The following MTR variants were observed in gnomAD, a reference collection of about 807,000 sequenced individuals.
MTR encodes the protein methionine synthase.
Under a neutral mutation model 154.8 loss-of-function variants are expected in MTR, and 84 were observed. The observed-to-expected ratio is 0.54, with a 90% CI of 0.45 to 0.65. The LOEUF (loss-of-function observed/expected upper bound fraction) is 0.65, where lower values mean the gene tolerates loss of function less well. Ranked by LOEUF, MTR falls within the 30% of genes least tolerant of loss-of-function variation. The pLI, the probability that MTR is intolerant of heterozygous loss-of-function variation, is 0.00. For missense variants in MTR, 1,275 were observed against 1,570.2 expected (o/e 0.81, Z 3.18); for synonymous variants, 554 against 553.9 (o/e 1.00, Z 0.00).
At chr1:236,882,551 C>T (rs1051014411) in intron 25 of MTR, among the ~76,000 whole-genome samples, 5 of 152,088 alleles carry the variant, frequency 3.3e-5, no homozygotes, top group East Asian at 1.9e-4. Context: ...CCACCACTTC[C>T]GGCTAATTTT....
At chr1:236,882,004 T>C (rs565570432) in intron 25 of MTR, among the ~76,000 whole-genome samples, 1 of 152,324 alleles carries the variant, frequency 6.6e-6, no homozygotes, top group Non-Finnish European at 1.5e-5. Flanking sequence ...TTAAACTTGT[T>C]TCCCATTAAT....
intron 1 of MTR, 64 bp downstream of exon 1, chr1:236,795,801 A>G (rs1660344352): frequency 1.2e-6 from 2 of 1,609,678 alleles, no homozygotes; most frequent in African/African-American, 1.3e-5. Context: ...TGGCCTCCTA[A>G]TCCCTGGGGC....
chr1:236,887,495 C>G (rs1042509794), intron 27 of MTR, among the ~76,000 whole-genome samples: 3 of 152,218 alleles, frequency 2.0e-5, no homozygotes, highest in Admixed American at 6.5e-5. Flanking sequence ...AGTTCAAGCT[C>G]CGATTATTTG....
At chr1:236,798,349 A>G (rs1472275484) in intron 1 of MTR, among the ~76,000 whole-genome samples, 2 of 152,230 alleles carry the variant, frequency 1.3e-5, no homozygotes, top group Non-Finnish European at 2.9e-5. Context: ...TCTTTAGGCT[A>G]GTTCTTAAAG....
At chr1:236,867,282 CTCTG>C (rs1346522487) in intron 22 of MTR, among the ~76,000 whole-genome samples, 2 of 152,178 alleles carry the variant, frequency 1.3e-5, no homozygotes, top group African/African-American at 4.8e-5. Flanking sequence ...GTTAAATCTA[CTCTG>C]TCTGTGCTCT....
intron 14 of MTR, among the ~76,000 whole-genome samples, chr1:236,836,828 T>A (rs1452752063): frequency 2.0e-5 from 3 of 152,206 alleles, no homozygotes; most frequent in Non-Finnish European, 4.4e-5. Context: ...TAGCCAATTG[T>A]TTATCAGCTT....
intron 1 of MTR, among the ~76,000 whole-genome samples, chr1:236,800,656 A>G (rs780183341): frequency 1.3e-4 from 20 of 152,276 alleles, no homozygotes; most frequent in Admixed American, 5.2e-4. Flanking sequence ...ATGATTTTTC[A>G]CAGCCCACTG....
At chr1:236,870,175 TAGTG>T (rs1430034788) in intron 22 of MTR, among the ~76,000 whole-genome samples, 1 of 152,196 alleles carries the variant, frequency 6.6e-6, no homozygotes, top group Non-Finnish European at 1.5e-5. Flanking sequence ...TGTGTGGAAA[TAGTG>T]AGAATTGCCC....
chr1:236,847,825 T>C (rs780356379), intron 15 of MTR, among the ~76,000 whole-genome samples: 1 of 152,218 alleles, frequency 6.6e-6, no homozygotes, highest in Non-Finnish European at 1.5e-5. Context: ...AAGCCCTTCC[T>C]GATGGAGTAA....
At chr1:236,887,666 C>T (rs1351270765) in intron 27 of MTR, among the ~76,000 whole-genome samples, 1 of 152,252 alleles carries the variant, frequency 6.6e-6, no homozygotes, top group Non-Finnish European at 1.5e-5. Context: ...TAACCTCTGG[C>T]ATGGGCTACT....
chr1:236,807,695 G>A lies in MTR; in HGVS notation c.340-1009G>A, dbSNP rs1661064749. Among the ~76,000 whole-genome samples, 4 of 152,080 alleles carry A rather than the reference G, an allele frequency of 2.6e-5. No individual in the cohort carries two copies. In the South Asian group the frequency reaches 6.2e-4, roughly 24 times the overall value. On this transcript the variant is annotated intron_variant, in intron 3 of 32. Transcript: ENST00000366577. ...ATGCTAATGTCCCCATTTTTGTTTG[G>A]CATGTTTCCAGACACATTACTCTGT...
intron 27 of MTR, among the ~76,000 whole-genome samples, chr1:236,888,648 G>A (rs1181146006): frequency 2.6e-5 from 4 of 152,202 alleles, no homozygotes; most frequent in Non-Finnish European, 5.9e-5. Context: ...ATGTATTGAG[G>A]AGTATGTATC....
intron 3 of MTR, among the ~76,000 whole-genome samples, chr1:236,807,326 A>C (rs1661041241): frequency 6.6e-6 from 1 of 152,120 alleles, no homozygotes; most frequent in South Asian, 2.1e-4. Context: ...GGCTTGCTCT[A>C]CCATGCCCTG....
At position 236,867,836 on chromosome 1, in the gene MTR, G is replaced by T. The variant is rs370501812; in HGVS notation, c.2405+4282G>T. On this transcript the variant is annotated intron_variant, in intron 22 of 32. Transcript: ENST00000366577. ...AAAAGTGGAGCCTGAAGATGGGAAT[G>T]AATTGCTACAATCTCGTAATACAAC... Among the ~76,000 whole-genome samples the T allele has an allele frequency of 2.6e-5, 4 of 152,218 alleles. No homozygotes were observed. The East Asian group carries it at 7.7e-4, about 29-fold the overall frequency.
chr1:236,895,591 A>C (rs769600150), intron 31 of MTR, 41 bp downstream of exon 31: 1 of 1,545,646 alleles, frequency 6.5e-7, no homozygotes, highest in Non-Finnish European at 8.8e-7. Flanking sequence ...TTCCTTCTTC[A>C]GTAGATACTC....
intron 2 of MTR, among the ~76,000 whole-genome samples, chr1:236,805,752 C>G (rs911984678): frequency 6.6e-6 from 1 of 152,166 alleles, no homozygotes; most frequent in Admixed American, 6.5e-5. Flanking sequence ...CTCACCTTGG[C>G]TTCCCAAAGT....
intron 15 of MTR, among the ~76,000 whole-genome samples, chr1:236,843,507 T>C (rs1387372179): frequency 6.6e-6 from 1 of 152,176 alleles, no homozygotes; most frequent in Non-Finnish European, 1.5e-5. Flanking sequence ...CTGAAAACTT[T>C]TGAACAGAGG....
intron 29 of MTR, among the ~76,000 whole-genome samples, chr1:236,893,136 G>A (rs3845567): frequency 0.35 from 53,095 of 151,892 alleles, 10,055 homozygotes; most frequent in East Asian, 0.43. Flanking sequence ...CTCCTGTGGC[G>A]CAGGGAAGCT....
intron 11 of MTR, among the ~76,000 whole-genome samples, chr1:236,828,004 G>A (rs1572222736): frequency 1.3e-5 from 2 of 152,006 alleles, no homozygotes; most frequent in East Asian, 3.9e-4. Flanking sequence ...TTGGGATGGA[G>A]TCTTGCTCTG....
Sources: allele counts gnomAD v4.1 joint callset (sites outside exome capture counted in the v4.1 genomes callset), GRCh38; gene constraint gnomAD v4.1.1; transcripts MANE v1.5; gene names NCBI Gene and HGNC (gene_info 2026-07-23, HGNC 2026-07-21).